Variants in PARP14 observed in about 807,000 individuals in gnomAD.
PARP14 encodes the protein poly(ADP-ribose) polymerase family member 14.
In PARP14, 59 loss-of-function variants were observed where a neutral mutation model predicts 154.2. The ratio of observed to expected loss-of-function variants is 0.38; its 90% CI spans 0.31 to 0.48. The LOEUF is 0.48. Ranked by LOEUF, PARP14 falls within the 20% of genes least tolerant of loss-of-function variation. The pLI, the probability that PARP14 is intolerant of heterozygous loss-of-function variation, is 0.98. For synonymous variants in PARP14, 720 were observed against 780.5 expected (o/e 0.92, Z 1.29); for missense variants, 1,734 against 2,131.6 (o/e 0.81, Z 3.67).
At chr3:122,705,810 C>T (rs1484503700) in intron 8 of PARP14, among the ~76,000 whole-genome samples, 1 of 152,220 alleles carries the variant, frequency 6.6e-6, no homozygotes, top group Non-Finnish European at 1.5e-5. Flanking sequence ...GTAAATCTGA[C>T]CTGAATTCTG....
At chr3:122,694,357 A>G (rs889437969) in intron 4 of PARP14, among the ~76,000 whole-genome samples, 4 of 152,122 alleles carry the variant, frequency 2.6e-5, no homozygotes, top group Non-Finnish European at 5.9e-5. Context: ...TCTGGGAACC[A>G]TTGTCTGATT....
rs570857132 is a variant in PARP14 at position 122,707,641 on chromosome 3, C to CA, written c.3541-543dup. On this transcript the variant is annotated intron_variant, in intron 8 of 16. Coordinates refer to ENST00000474629, the MANE Select transcript of PARP14 (RefSeq NM_017554.3). ...CAAACAAACAAAAAAACACAAAAAACAAAAAACGTAGCTGGGTGTGGTGCC... is the reference window on the plus strand; with the variant it reads ...CAAACAAACAAAAAAACACAAAAAACAAAAAAACGTAGCTGGGTGTGGTGCC... 1.2e-3 allele frequency among the ~76,000 whole-genome samples: 185 copies of CA among 151,890 alleles called. 5 individuals are homozygous for CA. The South Asian group carries it at 0.018, about 15-fold the overall frequency.
intron 4 of PARP14, among the ~76,000 whole-genome samples, chr3:122,693,468 C>T (rs1364947517): frequency 1.3e-5 from 2 of 152,148 alleles, no homozygotes; most frequent in African/African-American, 2.4e-5. Flanking sequence ...GCCTCACTTT[C>T]CTCATCTATA....
chr3:122,725,049 T>C (rs1198078841), intron 15 of PARP14, among the ~76,000 whole-genome samples: 1 of 152,224 alleles, frequency 6.6e-6, no homozygotes, highest in African/African-American at 2.4e-5. Flanking sequence ...TGTCTACTTC[T>C]TTCTACACAG....
At chr3:122,728,187 GAAAAGCACACACAA>G (rs747145938) in intron 16 of PARP14, 107 bp from the exon 17 acceptor site, 255 of 1,014,216 alleles carry the variant, frequency 2.5e-4, no homozygotes, top group Non-Finnish European at 3.5e-4. Flanking sequence ...GATTAAAAGT[GAAAAGCACACACAA>G]AAAATTTTAA....
At position 122,680,839 on chromosome 3, in the gene PARP14, G is replaced by A; in HGVS notation, c.-45G>A. On this transcript the variant is annotated 5_prime_UTR_variant, in exon 1 of 17. Transcript: ENST00000474629. ...GCGAAAGAGTCAAAGTTAGCGGCCC[G>A]GAGTTGGCGCGGCCCCTGCAGTCCG... 3 of 1,478,852 alleles carry A rather than the reference G, an allele frequency of 2.0e-6. No homozygotes were observed. The highest frequency in any genetic ancestry group is 2.8e-6 in the Non-Finnish European group (3 of 1,078,348). The allele number at this position is 1,478,852 out of a possible 1,614,324, so 91.6% of individuals were successfully genotyped here.
chr3:122,722,434 G>T (rs1471740820), intron 15 of PARP14: 1 of 152,228 alleles, frequency 6.6e-6, no homozygotes, highest in East Asian at 1.9e-4. Flanking sequence ...GAGCAGGAAT[G>T]AATGTTCTGC....
intron 3 of PARP14, 34 bp downstream of exon 3, chr3:122,687,147 C>G: frequency 6.5e-7 from 1 of 1,533,234 alleles, no homozygotes; most frequent in Non-Finnish European, 8.9e-7. Context: ...CTGACATTCA[C>G]CAAGCTGTTT....
At chr3:122,724,399 A>T (rs1486471683) in intron 15 of PARP14, among the ~76,000 whole-genome samples, 2 of 151,366 alleles carry the variant, frequency 1.3e-5, no homozygotes, top group Admixed American at 6.6e-5. Flanking sequence ...CCTGGGCTCA[A>T]GCAATCCTCC....
In PARP14 at chr3:122,723,288, C is replaced by T. The variant is rs564450825; in HGVS notation, c.4941+2900C>T. 6.6e-5 allele frequency among the ~76,000 whole-genome samples: 10 copies of T among 152,308 alleles called. No individual in the cohort carries two copies. The South Asian group carries it at 2.1e-3, about 32-fold the overall frequency. ...AGTTGTTCAAAAAAATCTCTTATAA[C>T]TCCCCCTCCCCAACCCCAGTCTGAG... On this transcript the variant is annotated intron_variant, in intron 15 of 16. Transcript: ENST00000474629.
At chr3:122,704,251 A>C (rs758285229) in intron 7 of PARP14, among the ~76,000 whole-genome samples, 8 of 152,238 alleles carry the variant, frequency 5.3e-5, no homozygotes, top group Non-Finnish European at 1.2e-4. Flanking sequence ...TAGTGAAGAA[A>C]GCCAGAGGAG....
At chr3:122,712,708 C>T (rs1939363175) in intron 9 of PARP14, among the ~76,000 whole-genome samples, 1 of 152,148 alleles carries the variant, frequency 6.6e-6, no homozygotes, top group African/African-American at 2.4e-5. Flanking sequence ...TGTGCACCAC[C>T]ATCCCAGCTA....
chr3:122,724,239 T>A (rs577341540), intron 15 of PARP14, among the ~76,000 whole-genome samples: 16 of 152,184 alleles, frequency 1.1e-4, no homozygotes, highest in Non-Finnish European at 2.1e-4. Flanking sequence ...TATTGAGGTG[T>A]TGCTGTTTCC....
chr3:122,701,265 G>C lies in PARP14; in HGVS notation c.2711G>C (p.Ser904Thr). ...VYLLRRAVQL[S>T]LCLAEKYKYR... Reference sequence around the variant, plus strand: ...CTATTAAGGAGAGCTGTGCAACTCAGTCTCTGTCTAGCCGAAAAATACAAG... The same window carrying C: ...CTATTAAGGAGAGCTGTGCAACTCACTCTCTGTCTAGCCGAAAAATACAAG... The change falls in exon 6 of 17, where the codon AGT (serine) becomes ACT (threonine). Residue 904 changes from serine (S) to threonine (T), a missense_variant. By Grantham distance (58) the Ser-to-Thr change is moderately conservative (BLOSUM62 1). Coordinates refer to ENST00000474629, the MANE Select transcript of PARP14 (RefSeq NM_017554.3). The surrounding 1 kb of genome is among the most constrained non-coding windows in gnomAD (Gnocchi z 4.0). 6.2e-7 allele frequency: 1 copy of C among 1,613,890 alleles called. No homozygotes were observed. The highest frequency in any genetic ancestry group is 8.5e-7 in the Non-Finnish European group (1 of 1,179,828).
At chr3:122,722,924 A>T (rs1933194553) in intron 15 of PARP14, among the ~76,000 whole-genome samples, 1 of 149,430 alleles carries the variant, frequency 6.7e-6, no homozygotes, top group African/African-American at 2.5e-5. Flanking sequence ...AATATCCAAT[A>T]TGCATTTCAT....
chr3:122,684,631 TC>T (rs1938312672), intron 1 of PARP14, among the ~76,000 whole-genome samples: 1 of 152,004 alleles, frequency 6.6e-6, no homozygotes, highest in South Asian at 2.1e-4. Context: ...TGCAAAAATC[TC>T]CCCCTTCTTT....
Position 122,715,605 on chromosome 3 carries a change from T to TCTATCTAA in PARP14, c.4000+1183_4000+1184insACTATCTA, listed in dbSNP as rs1932975215. On this transcript the variant is annotated intron_variant, in intron 12 of 16. Transcript: ENST00000474629. Reference sequence around the variant, plus strand: ...TCTCTCTCTACCAGTCATCTATCTATCTATCTATCTATCTATCTATCTATC... The same window carrying TCTATCTAA: ...TCTCTCTCTACCAGTCATCTATCTATCTATCTAACTATCTATCTATCTATCTATCTATC... Among the ~76,000 whole-genome samples, 4 of 117,130 alleles carry TCTATCTAA rather than the reference T, an allele frequency of 3.4e-5. 1 individual carries two copies. In the South Asian group the frequency reaches 1.1e-3, roughly 31 times the overall value. The allele number at this position is 117,130 out of a possible 152,430, so 76.8% of individuals were successfully genotyped here.
At chr3:122,714,667 G>A (rs1337475509) in intron 12 of PARP14, among the ~76,000 whole-genome samples, 1 of 151,434 alleles carries the variant, frequency 6.6e-6, no homozygotes, top group Non-Finnish European at 1.5e-5. Flanking sequence ...ATGTTAGAGA[G>A]GCAGAAAGAA....
chr3:122,691,823 T>C (rs1560051823), intron 3 of PARP14, among the ~76,000 whole-genome samples: 1 of 152,168 alleles, frequency 6.6e-6, no homozygotes, highest in Non-Finnish European at 1.5e-5. Context: ...CAGAAAAGGG[T>C]ATAATAAAAT....
Sources: gnomAD v4.1 joint callset for allele counts (sites outside exome capture counted in the v4.1 genomes callset) on GRCh38, gnomAD v4.1.1 for gene constraint, Gnocchi (gnomAD v3.1) non-coding constraint, MANE v1.5 for transcripts, NCBI Gene and HGNC (gene_info 2026-07-23, HGNC 2026-07-21) for gene names.